MTR: variants seen among roughly 807,000 people sequenced by gnomAD.
MTR encodes the protein methionine synthase.
Under a neutral mutation model 154.8 loss-of-function variants are expected in MTR, and 84 were observed. The ratio of observed to expected loss-of-function variants is 0.54; its 90% CI spans 0.45 to 0.65. The LOEUF is 0.65. Ranked by LOEUF, MTR falls within the 30% of genes least tolerant of loss-of-function variation. The probability of loss-of-function intolerance (pLI) is 0.00; values close to 1 mark genes in which losing one functional copy is unlikely to be tolerated. For synonymous variants in MTR, 554 were observed against 553.9 expected (o/e 1.00, Z 0.00); for missense variants, 1,275 against 1,570.2 (o/e 0.81, Z 3.18).
chr1:236,862,046 G>A (rs1664576469), intron 20 of MTR, among the ~76,000 whole-genome samples, 190 bp from the exon 21 acceptor site: 1 of 152,178 alleles, frequency 6.6e-6, no homozygotes, highest in Non-Finnish European at 1.5e-5. Context: ...TCCTTCTGCT[G>A]TACCTTATTA....
intron 25 of MTR, among the ~76,000 whole-genome samples, chr1:236,884,781 C>T (rs1026090173): frequency 6.6e-6 from 1 of 151,892 alleles, no homozygotes; most frequent in Admixed American, 6.6e-5. Context: ...GAGCGAAGGT[C>T]CCCCACCATA....
chr1:236,800,161 G>T, intron 1 of MTR: 1 of 985,400 alleles, frequency 1.0e-6, no homozygotes, highest in Non-Finnish European at 1.2e-6. Context: ...TGCTCAACTT[G>T]TGTGCACTCG....
chr1:236,874,306 G>A (rs1665307298), intron 23 of MTR, among the ~76,000 whole-genome samples: 1 of 152,146 alleles, frequency 6.6e-6, no homozygotes, highest in African/African-American at 2.4e-5. Context: ...TGGGCGCAGT[G>A]GCTCACACCT....
At chr1:236,806,824 T>C (rs1471619538) in intron 3 of MTR, among the ~76,000 whole-genome samples, 1 of 152,224 alleles carries the variant, frequency 6.6e-6, no homozygotes, top group African/African-American at 2.4e-5. Context: ...ACCTTAGATA[T>C]GTTGAATCAT....
Position 236,829,240 on chromosome 1 carries a change from T to C in MTR, c.1047T>C (p.Thr349=), listed in dbSNP as rs1662471952. The C allele has an allele frequency of 1.2e-6, 2 of 1,614,086 alleles. No individual in the cohort carries two copies. Among genetic ancestry groups the C allele is most frequent in the Non-Finnish European group, 1.7e-6 (2 of 1,179,950 alleles). The change falls in exon 12 of 33, where the codon ACT becomes ACC. Residue 349 remains threonine, a synonymous_variant. Transcript: ENST00000366577. The part of the protein sequence containing the change: ...KNCKPRVPPA[T]AFEGHMLLSG... ...GTAAGCCTAGAGTTCCACCTGCCAC[T>C]GCTTTTGAAGGACATATGTTACTGT...
intron 12 of MTR, 133 bp from the exon 13 acceptor site, chr1:236,831,833 A>C (rs558095385): frequency 2.8e-6 from 2 of 703,662 alleles, no homozygotes; most frequent in Non-Finnish European, 5.1e-6. Context: ...CTGTTTCCAC[A>C]TTGGATCTCC....
chr1:236,803,443 C>T lies in MTR; in HGVS notation c.50C>T (p.Thr17Ile). 1 of 1,614,058 alleles carries T rather than the reference C, an allele frequency of 6.2e-7. No individual in the cohort carries two copies. Among genetic ancestry groups the T allele is most frequent in the Non-Finnish European group, 8.5e-7 (1 of 1,179,980 alleles). Residue 17 changes from threonine (T) to isoleucine (I), a missense_variant, in exon 2 of 33, where the codon ACC becomes ATC. Coordinates refer to ENST00000366577, the MANE Select transcript of MTR (RefSeq NM_000254.3). ...DLSQPEGLKK[T>I]LRDEINAILQ... is the part of the protein sequence containing the mutation. ...TTCTTTAAAGAAGGTCTGAAGAAAA[C>T]CCTGCGGGATGAGATCAATGCCATT...
At position 236,900,591 on chromosome 1, in the gene MTR, A is replaced by C. The variant is rs1404197752; in HGVS notation, c.*2947A>C. The C allele has an allele frequency of 6.6e-6, 1 of 152,232 alleles. No individual in the cohort carries two copies. Among genetic ancestry groups the C allele is most frequent in the African/African-American group, 2.4e-5 (1 of 41,462 alleles). 9.4% of individuals were successfully genotyped at this position (152,232 alleles called of 1,614,324 possible). The stretch of plus-strand genomic sequence containing the variant: ...ATACATTATACTTTATAACTAATAG[A>C]TAACAGTTTTTTACATATTAAATAT... On this transcript the variant is annotated 3_prime_UTR_variant, in exon 33 of 33. Transcript: ENST00000366577.
chr1:236,884,306 A>C (rs2147915855), intron 25 of MTR, among the ~76,000 whole-genome samples: 1 of 152,322 alleles, frequency 6.6e-6, no homozygotes, highest in African/African-American at 2.4e-5. Flanking sequence ...GGATATATAA[A>C]TTGGAACTAA....
At chr1:236,833,271 G>A (rs1050702332) in intron 13 of MTR, among the ~76,000 whole-genome samples, 18 of 152,156 alleles carry the variant, frequency 1.2e-4, no homozygotes, top group Non-Finnish European at 2.6e-4. Flanking sequence ...ATTCTATGGT[G>A]TCCCTTTGGT....
At chr1:236,864,451 A>C (rs1452882772) in intron 22 of MTR, among the ~76,000 whole-genome samples, 1 of 152,202 alleles carries the variant, frequency 6.6e-6, no homozygotes, top group African/African-American at 2.4e-5. Context: ...AAGGCTGGAG[A>C]CAGAGAAGCA....
chr1:236,806,694 C>T (rs1344566870), intron 3 of MTR, among the ~76,000 whole-genome samples: 1 of 152,174 alleles, frequency 6.6e-6, no homozygotes, highest in Non-Finnish European at 1.5e-5. Context: ...CCAGAACTTT[C>T]TCATTTTCCA....
At chr1:236,897,312 A>ATGCGCGCACGCGCGCG (rs1553331097) in intron 32 of MTR, among the ~76,000 whole-genome samples, 194 bp downstream of exon 32, 2 of 66,180 alleles carry the variant, frequency 3.0e-5, no homozygotes, top group African/African-American at 1.0e-4. Context: ...ACACACACGC[A>ATGCGCGCACGCGCGCG]CACACACACA....
chr1:236,869,344 C>T (rs1290584520), intron 22 of MTR, among the ~76,000 whole-genome samples: 1 of 152,092 alleles, frequency 6.6e-6, no homozygotes, highest in Admixed American at 6.5e-5. Context: ...GCTCTCATAG[C>T]TCTATTCTAA....
chr1:236,875,107 AC>A (rs1265525481), intron 24 of MTR, among the ~76,000 whole-genome samples: 1 of 151,906 alleles, frequency 6.6e-6, no homozygotes, highest in African/African-American at 2.4e-5. Context: ...TTTTCTTAAC[AC>A]TCTCACTTGC....
At chr1:236,891,026 C>T in intron 28 of MTR, 107 bp from the exon 29 acceptor site, 2 of 1,279,494 alleles carry the variant, frequency 1.6e-6, no homozygotes, top group Non-Finnish European at 2.3e-6. Context: ...ATGGAGAAGC[C>T]TGAAGAGGGA....
intron 2 of MTR, 129 bp from the exon 3 acceptor site, chr1:236,806,015 G>T: frequency 1.3e-6 from 1 of 771,574 alleles, no homozygotes. Context: ...ACCTTCTAAT[G>T]CAGTGCCTTA....
intron 18 of MTR, among the ~76,000 whole-genome samples, chr1:236,855,970 C>G (rs1486446755): frequency 6.6e-6 from 1 of 152,208 alleles, no homozygotes; most frequent in East Asian, 1.9e-4. Flanking sequence ...TGTACTGTTT[C>G]ATTTTAAGTA....
At chr1:236,808,264 G>T (rs1006727878) in intron 3 of MTR, among the ~76,000 whole-genome samples, 5 of 152,190 alleles carry the variant, frequency 3.3e-5, no homozygotes, top group African/African-American at 1.2e-4. Flanking sequence ...GATCCCAACT[G>T]TTGTACATGA....
Sources: allele counts gnomAD v4.1 joint callset (sites outside exome capture counted in the v4.1 genomes callset), GRCh38; gene constraint gnomAD v4.1.1; transcripts MANE v1.5; gene names NCBI Gene and HGNC (gene_info 2026-07-23, HGNC 2026-07-21).